STK32B: variants seen among roughly 807,000 people sequenced by gnomAD.
STK32B encodes the protein serine/threonine-protein kinase 32B.
STK32B carries 43 observed loss-of-function variants against 52.6 expected under a neutral mutation model. That is an observed-to-expected ratio of 0.82 (90% CI 0.64 to 1.05). STK32B has a LOEUF of 1.05. Ranked by LOEUF, STK32B falls within the 50% of genes least tolerant of loss-of-function variation. The pLI, the probability that STK32B is intolerant of heterozygous loss-of-function variation, is 0.00. For missense variants in STK32B, 621 were observed against 534.6 expected (o/e 1.16, Z -1.59); for synonymous variants, 238 against 204.3 (o/e 1.17, Z -1.41).
chr4:5,401,668 G>A (rs1737299339), intron 5 of STK32B, among the ~76,000 whole-genome samples: 1 of 152,208 alleles, frequency 6.6e-6, no homozygotes. Flanking sequence ...GAACAAGGCA[G>A]GGAAAAGAGC....
chr4:5,313,997 T>C (rs1456860212), intron 3 of STK32B, among the ~76,000 whole-genome samples: 1 of 152,124 alleles, frequency 6.6e-6, no homozygotes, highest in Non-Finnish European at 1.5e-5. Flanking sequence ...AAGATAACAG[T>C]TGTCCTCTAA....
intron 1 of STK32B, among the ~76,000 whole-genome samples, chr4:5,122,821 G>T (rs1272958404): frequency 6.6e-6 from 1 of 152,070 alleles, no homozygotes; most frequent in Non-Finnish European, 1.5e-5. Flanking sequence ...GCACTCTCCT[G>T]CCTGGGTTCC....
chr4:5,285,786 C>T (rs28628310), intron 3 of STK32B, among the ~76,000 whole-genome samples: 12,178 of 152,174 alleles, frequency 0.08, 520 homozygotes, highest in South Asian at 0.1. Context: ...AAATACAACT[C>T]TGCATGAAAC....
chr4:5,437,566 C>A (rs1045586820), intron 6 of STK32B, among the ~76,000 whole-genome samples: 5 of 152,172 alleles, frequency 3.3e-5, no homozygotes, highest in Non-Finnish European at 7.3e-5. Flanking sequence ...TTTACAAAGA[C>A]CTTATTTTCA....
chr4:5,109,881 A>G (rs554912716), intron 1 of STK32B, among the ~76,000 whole-genome samples: 1 of 152,306 alleles, frequency 6.6e-6, no homozygotes, highest in African/African-American at 2.4e-5. Flanking sequence ...AGACTCCTCT[A>G]GAAGACTCCT....
At chr4:5,020,732 C>CTG in the STK32B span, among the ~76,000 whole-genome samples, 4 of 74,904 alleles carry the variant, frequency 5.3e-5, no homozygotes, top group African/African-American at 1.1e-4. Context: ...CAAGAAGGAA[C>CTG]TGTCAAAAGG....
chr4:5,363,694 T>C (rs1734691164), intron 4 of STK32B, among the ~76,000 whole-genome samples: 1 of 152,238 alleles, frequency 6.6e-6, no homozygotes, highest in African/African-American at 2.4e-5. Context: ...AAAAGCATTT[T>C]TGAGCCTTTG....
intron 3 of STK32B, among the ~76,000 whole-genome samples, chr4:5,254,734 T>A (rs904247227): frequency 6.6e-6 from 1 of 152,158 alleles, no homozygotes; most frequent in African/African-American, 2.4e-5. Flanking sequence ...ACTGTACAGT[T>A]ATAGTGGACT....
intron 11 of STK32B, among the ~76,000 whole-genome samples, chr4:5,474,593 A>G (rs1446459583): frequency 6.6e-6 from 1 of 152,124 alleles, no homozygotes; most frequent in African/African-American, 2.4e-5. Flanking sequence ...GAAGTAGCAA[A>G]CTTCAAAACT....
intron 3 of STK32B, among the ~76,000 whole-genome samples, chr4:5,234,465 C>T (rs1301781169): frequency 6.6e-6 from 1 of 152,152 alleles, no homozygotes; most frequent in African/African-American, 2.4e-5. Flanking sequence ...CTCTCTTGGT[C>T]ACTGCTCTAT....
intron 1 of STK32B, among the ~76,000 whole-genome samples, chr4:5,118,426 G>A (rs1442215687): frequency 6.6e-6 from 1 of 152,154 alleles, no homozygotes; most frequent in Non-Finnish European, 1.5e-5. Context: ...CCTTTTCTTG[G>A]ATTTTCAAAA....
At chr4:5,327,655 C>T (rs1214961483) in intron 3 of STK32B, among the ~76,000 whole-genome samples, 7 of 151,708 alleles carry the variant, frequency 4.6e-5, no homozygotes, top group Admixed American at 4.6e-4. Context: ...TTTTTTATTC[C>T]ACTTATAGAA....
intron 3 of STK32B, among the ~76,000 whole-genome samples, chr4:5,190,342 C>T (rs917907852): frequency 2.0e-5 from 3 of 152,176 alleles, no homozygotes; most frequent in Admixed American, 6.5e-5. Flanking sequence ...CTCATTCGTT[C>T]TTCACCAGAC....
chr4:5,464,234 A>C (rs1333075335), intron 9 of STK32B, among the ~76,000 whole-genome samples: 1 of 152,020 alleles, frequency 6.6e-6, no homozygotes, highest in Non-Finnish European at 1.5e-5. Flanking sequence ...ACCAGGCCCC[A>C]CCTCCCAAAC....
intron 11 of STK32B, among the ~76,000 whole-genome samples, chr4:5,485,102 G>T (rs529813078): frequency 6.6e-6 from 1 of 151,696 alleles, no homozygotes; most frequent in East Asian, 1.9e-4. Context: ...TCTTGGTGGC[G>T]TTCTCTGTAT....
intron 3 of STK32B, among the ~76,000 whole-genome samples, chr4:5,279,047 C>T (rs1560281776): frequency 6.6e-6 from 1 of 152,150 alleles, no homozygotes; most frequent in Non-Finnish European, 1.5e-5. Context: ...CCATATCATT[C>T]TGCCCCTGAC....
intron 11 of STK32B, among the ~76,000 whole-genome samples, chr4:5,480,396 A>C (rs1718594133): frequency 6.6e-6 from 1 of 152,180 alleles, no homozygotes; most frequent in Non-Finnish European, 1.5e-5. Context: ...AATCAAATAC[A>C]TTTAAGAAAT....
At chr4:5,079,933 A>T (rs138786144) in intron 1 of STK32B, among the ~76,000 whole-genome samples, 73 of 152,318 alleles carry the variant, frequency 4.8e-4, no homozygotes, top group Non-Finnish European at 9.4e-4. Context: ...AAAAGCAGAC[A>T]GTAGGATGGT....
intron 1 of STK32B, among the ~76,000 whole-genome samples, chr4:5,053,014 T>C (rs1344129537): frequency 6.6e-6 from 1 of 152,172 alleles, no homozygotes; most frequent in Non-Finnish European, 1.5e-5. Context: ...AAGCTGTGCC[T>C]GTCATCATTA....
Sources: gnomAD v4.1 joint callset for allele counts (sites outside exome capture counted in the v4.1 genomes callset) on GRCh38, gnomAD v4.1.1 for gene constraint, MANE v1.5 for transcripts, NCBI Gene and HGNC (gene_info 2026-07-23, HGNC 2026-07-21) for gene names.